RPS6KA2: variants seen among roughly 807,000 people sequenced by gnomAD.
The protein encoded by RPS6KA2 is ribosomal protein S6 kinase alpha-2.
Under a neutral mutation model 91.8 loss-of-function variants are expected in RPS6KA2, and 42 were observed. That is an observed-to-expected ratio of 0.46 (90% CI 0.36 to 0.59). The LOEUF (loss-of-function observed/expected upper bound fraction) is 0.59, where lower values mean the gene tolerates loss of function less well. Among genes scored for constraint, RPS6KA2 ranks in the 20% least tolerant of loss-of-function variants. The pLI, the probability that RPS6KA2 is intolerant of heterozygous loss-of-function variation, is 0.00. For synonymous variants in RPS6KA2, 414 were observed against 393.6 expected (o/e 1.05, Z -0.61); for missense variants, 798 against 978.5 (o/e 0.82, Z 2.46).
At chr6:166,535,742 G>T (rs1009424674) in intron 2 of RPS6KA2, among the ~76,000 whole-genome samples, 10 of 152,216 alleles carry the variant, frequency 6.6e-5, no homozygotes, top group Non-Finnish European at 1.2e-4. Context: ...TTGCTTTCCT[G>T]ATTCAAGCTT....
chr6:166,654,728 T>C (rs1787957281), intron 2 of RPS6KA2, among the ~76,000 whole-genome samples: 1 of 152,272 alleles, frequency 6.6e-6, no homozygotes, highest in South Asian at 2.1e-4. Flanking sequence ...TTTCATAGTC[T>C]GGACTGATTT....
At chr6:166,613,109 G>C (rs1244973599) in intron 1 of RPS6KA2, among the ~76,000 whole-genome samples, 1 of 152,204 alleles carries the variant, frequency 6.6e-6, no homozygotes, top group Non-Finnish European at 1.5e-5. Flanking sequence ...TAAGTTAAGG[G>C]GGGAGGTTTG....
intron 2 of RPS6KA2, among the ~76,000 whole-genome samples, chr6:166,677,370 T>C (rs913865927): frequency 3.9e-5 from 6 of 152,056 alleles, no homozygotes; most frequent in Non-Finnish European, 7.4e-5. Context: ...CAGTTTTTTT[T>C]TTTTTTTTTG....
chr6:166,822,600 C>T (rs16899555), intron 2 of RPS6KA2, among the ~76,000 whole-genome samples: 1 of 152,280 alleles, frequency 6.6e-6, no homozygotes, highest in Non-Finnish European at 1.5e-5. Context: ...TCCAGCTACA[C>T]TGAGAGTCCA....
intron 11 of RPS6KA2, among the ~76,000 whole-genome samples, chr6:166,466,606 T>C (rs1295246130): frequency 1.3e-5 from 2 of 152,164 alleles, no homozygotes; most frequent in Admixed American, 1.3e-4. Context: ...TTCTCCATTC[T>C]CCCAGGCATG....
chr6:166,843,825 C>A (rs1236643835), intron 2 of RPS6KA2, among the ~76,000 whole-genome samples: 1 of 152,078 alleles, frequency 6.6e-6, no homozygotes, highest in African/African-American at 2.4e-5. Flanking sequence ...TGAGAAGGAA[C>A]CAGAAAACAA....
In RPS6KA2 at chr6:166,538,649, C is replaced by A. The variant is rs754315236; in HGVS notation, c.216+19G>T. On this transcript the variant is annotated intron_variant, in intron 2 of 20. Coordinates refer to ENST00000265678, the MANE Select transcript of RPS6KA2 (RefSeq NM_021135.6). ...GTGTTCAGGAATGAGACTCAAGAGA[C>A]AGCCAGGGCTGAACTTACCTTTCCA... 17 of 1,372,752 alleles carry A rather than the reference C, an allele frequency of 1.2e-5. No homozygotes were observed. In the South Asian group the frequency reaches 1.9e-4, roughly 15 times the overall value. The allele number at this position is 1,372,752 out of a possible 1,614,324, so 85.0% of individuals were successfully genotyped here. A position where few individuals can be genotyped will look rare whatever the true frequency, so the allele number is the denominator to read the frequency against.
chr6:166,615,842 C>A (rs1383561328), intron 1 of RPS6KA2, among the ~76,000 whole-genome samples: 2 of 152,104 alleles, frequency 1.3e-5, no homozygotes, highest in Non-Finnish European at 2.9e-5. Context: ...GAGGACTTGC[C>A]CACTCAGCGC....
intron 2 of RPS6KA2, among the ~76,000 whole-genome samples, chr6:166,697,778 A>C (rs1583029200): frequency 6.6e-6 from 1 of 152,304 alleles, no homozygotes; most frequent in East Asian, 1.9e-4. Context: ...ACTGAACTGA[A>C]ACAGACATGG....
intron 19 of RPS6KA2, among the ~76,000 whole-genome samples, chr6:166,414,757 A>AGAGG (rs1778440013): frequency 6.6e-6 from 1 of 152,336 alleles, no homozygotes; most frequent in South Asian, 2.1e-4. Flanking sequence ...CCACATTTGA[A>AGAGG]GAGGTAATAA....
intron 6 of RPS6KA2, 86 bp downstream of exon 6, chr6:166,504,420 A>T (rs751282490): frequency 6.0e-5 from 47 of 777,894 alleles, no homozygotes; most frequent in Non-Finnish European, 1.0e-4. Flanking sequence ...GGAAATAAAT[A>T]TCTAGCAGTG....
At chr6:166,480,479 T>A (rs866770729) in intron 10 of RPS6KA2, among the ~76,000 whole-genome samples, 2,745 of 98,988 alleles carry the variant, frequency 0.028, 104 homozygotes, top group Admixed American at 0.042. Context: ...GATTGTGATT[T>A]TATATATATA....
intron 2 of RPS6KA2, among the ~76,000 whole-genome samples, chr6:166,801,464 T>C (rs1433752271): frequency 6.6e-6 from 1 of 152,158 alleles, no homozygotes; most frequent in Non-Finnish European, 1.5e-5. Context: ...TGCTTCAGCT[T>C]CCCAAATAGC....
chr6:166,545,193 T>G (rs967329843), intron 1 of RPS6KA2, among the ~76,000 whole-genome samples: 1 of 152,230 alleles, frequency 6.6e-6, no homozygotes, highest in African/African-American at 2.4e-5. Context: ...GAGTTTGAAC[T>G]GCATCTATTC....
At position 166,508,747 on chromosome 6, in the gene RPS6KA2, C is replaced by T. The variant is rs990191956; in HGVS notation, c.380-465G>A. Among the ~76,000 whole-genome samples the T allele has an allele frequency of 1.3e-5, 2 of 152,202 alleles. No individual in the cohort carries two copies. The highest frequency in any genetic ancestry group is 4.1e-4 in the South Asian group (2 of 4,824). ...CTGGTACCAGGGAGCCCCCCGCTTGCCTTCCTCTCTTGAGGCAGTTCTGGT... is the reference window on the plus strand; with the variant it reads ...CTGGTACCAGGGAGCCCCCCGCTTGTCTTCCTCTCTTGAGGCAGTTCTGGT... On this transcript the variant is annotated intron_variant, in intron 4 of 20. Coordinates refer to ENST00000265678, the MANE Select transcript of RPS6KA2 (RefSeq NM_021135.6). The surrounding 1 kb of genome is among the most constrained non-coding windows in gnomAD (Gnocchi z 4.3).
At chr6:166,731,503 G>T (rs373527506) in intron 2 of RPS6KA2, among the ~76,000 whole-genome samples, 143 of 152,234 alleles carry the variant, frequency 9.4e-4, no homozygotes, top group African/African-American at 3.3e-3. Context: ...ACAAATGTCG[G>T]AAGCCATGTC....
At chr6:166,476,312 C>T (rs73790233) in intron 10 of RPS6KA2, among the ~76,000 whole-genome samples, 5,992 of 152,160 alleles carry the variant, frequency 0.039, 420 homozygotes, top group African/African-American at 0.14. Context: ...TCCAGAGCTG[C>T]GGGAGGACAC....
At chr6:166,413,409 T>TG (rs1396397578) in intron 20 of RPS6KA2, among the ~76,000 whole-genome samples, 2 of 151,860 alleles carry the variant, frequency 1.3e-5, no homozygotes, top group Admixed American at 6.5e-5. Context: ...CCTGCTGGGG[T>TG]GGGACAGTCT....
In RPS6KA2 at chr6:166,665,522, G is replaced by A. The variant is rs559300526; in HGVS notation, c.124-126738C>T. Among the ~76,000 whole-genome samples the A allele has an allele frequency of 3.9e-5, 6 of 152,038 alleles. No individual in the cohort carries two copies. Among genetic ancestry groups the A allele is most frequent in the South Asian group, 2.1e-4 (1 of 4,798 alleles). On this transcript the variant is annotated intron_variant, in intron 2 of 21. Transcript: ENST00000503859. This position sits in a 1 kb window ranked among gnomAD's most constrained non-coding sequence, Gnocchi z 4.5. The stretch of plus-strand genomic sequence containing the variant: ...CATGTGACTTCCCCACCTTTGTGGC[G>A]CATGGTATGAAGAGTACAGGAAAGA...
Sources: allele counts gnomAD v4.1 joint callset (sites outside exome capture counted in the v4.1 genomes callset), GRCh38; gene constraint gnomAD v4.1.1; non-coding constraint Gnocchi (gnomAD v3.1); transcripts MANE v1.5; gene names NCBI Gene and HGNC (gene_info 2026-07-23, HGNC 2026-07-21).